The following SCRN3 variants were observed in gnomAD, a reference collection of about 807,000 sequenced individuals.
SCRN3 encodes the protein secernin 3.
Under a neutral mutation model 43.1 loss-of-function variants are expected in SCRN3, and 39 were observed. The ratio of observed to expected loss-of-function variants is 0.91; its 90% CI spans 0.70 to 1.18. The LOEUF (loss-of-function observed/expected upper bound fraction) is 1.18. Ranked by LOEUF, SCRN3 falls within the 50% of genes most tolerant of loss-of-function variation. The pLI, the probability that SCRN3 is intolerant of heterozygous loss-of-function variation, is 0.00. For synonymous variants in SCRN3, 147 were observed against 163.1 expected, an observed-to-expected ratio of 0.90 and a Z score of 0.75; for missense variants, 484 against 498.0, an observed-to-expected ratio of 0.97 and a Z score of 0.27.
intron 5 of SCRN3, among the ~76,000 whole-genome samples, chr2:174,414,646 A>G (rs1245394642): frequency 6.6e-6 from 1 of 152,166 alleles, no homozygotes; most frequent in Non-Finnish European, 1.5e-5. Context: ...TGTATGAATC[A>G]TACTTTAGCT....
intron 7 of SCRN3, 52 bp from the exon 8 acceptor site, chr2:174,427,661 A>G: frequency 8.9e-7 from 1 of 1,127,512 alleles, no homozygotes; most frequent in Non-Finnish European, 1.2e-6. Context: ...GAATTTGGTT[A>G]GATTTATGTG....
intron 5 of SCRN3, among the ~76,000 whole-genome samples, chr2:174,417,445 A>G (rs967343446): frequency 2.0e-5 from 3 of 152,086 alleles, no homozygotes; most frequent in Admixed American, 6.5e-5. Flanking sequence ...CTGGGCTGGA[A>G]TGCAGTAGCA....
In SCRN3 at chr2:174,427,435, T is replaced by G. The variant is rs182739862; in HGVS notation, c.1093-278T>G. Among the ~76,000 whole-genome samples the G allele has an allele frequency of 8.9e-4, 135 of 152,314 alleles. No homozygotes were observed. In the Middle Eastern group the frequency reaches 0.01, roughly 12 times the overall value. On this transcript the variant is annotated intron_variant, in intron 7 of 7. Transcript: ENST00000272732. Reference sequence around the variant, plus strand: ...ACAGTTCATATGAGATTTTCTATTGTCCTGTTGTCTTTTAGGTTTTTTACT... The same window carrying G: ...ACAGTTCATATGAGATTTTCTATTGGCCTGTTGTCTTTTAGGTTTTTTACT...
intron 3 of SCRN3, 41 bp from the exon 4 acceptor site, chr2:174,400,949 G>T: frequency 2.8e-6 from 4 of 1,413,738 alleles, no homozygotes; most frequent in South Asian, 1.4e-5. Context: ...AAAAATAATG[G>T]AAATTTATTT....
intron 5 of SCRN3, among the ~76,000 whole-genome samples, chr2:174,417,813 G>T (rs1370536673): frequency 6.6e-6 from 1 of 152,096 alleles, no homozygotes; most frequent in Non-Finnish European, 1.5e-5. Context: ...CTTACTTGTC[G>T]TATTTTTCTC....
intron 4 of SCRN3, among the ~76,000 whole-genome samples, chr2:174,403,766 T>G (rs1005459182): frequency 2.9e-4 from 44 of 152,138 alleles, no homozygotes; most frequent in Non-Finnish European, 2.8e-4. Context: ...GATGGAAGTA[T>G]TCTTTATCTT....
chr2:174,416,341 G>T (rs549626593), intron 5 of SCRN3, among the ~76,000 whole-genome samples: 7 of 152,288 alleles, frequency 4.6e-5, no homozygotes, highest in South Asian at 4.1e-4. Flanking sequence ...TAGAGTGAAG[G>T]TTAGAGAGAG....
chr2:174,398,426 T>C lies in SCRN3; in HGVS notation c.143T>C (p.Leu48Pro). 6.3e-7 allele frequency: 1 copy of C among 1,597,870 alleles called. No homozygotes were observed. The highest frequency in any genetic ancestry group is 1.8e-5 in the Admixed American group (1 of 55,810). The change falls in exon 2 of 8, where the codon CTG becomes CCG. Residue 48 changes from leucine to proline, a missense_variant. By Grantham distance (98) the Leu-to-Pro change is moderately conservative. Transcript: ENST00000272732. Reference protein sequence around the residue: ...VYFPAVVHDNLGERLKCTYIE... With the variant: ...VYFPAVVHDNPGERLKCTYIE... ...TTTCCTGCTGTAGTTCATGATAACC[T>C]GGGAGAACGTCTTAAGGTAGGTGAA... is the stretch of plus-strand genomic sequence containing the variant.
At position 174,398,258 on chromosome 2, in the gene SCRN3, A is replaced by G. The variant is rs1247949159; in HGVS notation, c.-9-17A>G. 1 of 1,489,106 alleles carries G rather than the reference A, an allele frequency of 6.7e-7. No individual in the cohort carries two copies. Among genetic ancestry groups the G allele is most frequent in the Non-Finnish European group, 9.1e-7 (1 of 1,104,792 alleles). The allele number at this position is 1,489,106 out of a possible 1,614,324, so 92.2% of individuals were successfully genotyped here. On this transcript the variant is annotated splice_polypyrimidine_tract_variant and intron_variant, in intron 1 of 7. Coordinates refer to ENST00000272732, the MANE Select transcript of SCRN3 (RefSeq NM_024583.5). ...AAAAGTGTTCTTTTTATTTTAAAAC[A>G]TCTGTATAATTTTTAGTTAAAAAAA...
Position 174,404,268 on chromosome 2 carries a change from C to T in SCRN3, c.707C>T (p.Ser236Leu), listed in dbSNP as rs952479346. The change falls in exon 5 of 8, where the codon TCA becomes TTA. Residue 236 changes from serine (S) to leucine (L), a missense_variant. Physicochemically the swap from Ser to Leu is moderately radical, Grantham distance 145. Transcript: ENST00000272732. ...CTTGACACAGCCAAGATGATGACTT[C>T]ATCAGGCAGATACTGTGAGGGCTAC... ...SYLDTAKMMT[S>L]SGRYCEGYKL... is the part of the protein sequence containing the mutation. 6.2e-7 allele frequency: 1 copy of T among 1,613,666 alleles called. No individual in the cohort carries two copies. Among genetic ancestry groups the T allele is most frequent in the African/African-American group, 1.3e-5 (1 of 74,878 alleles).
At chr2:174,395,854 G>A in intron 1 of SCRN3, 37 bp downstream of exon 1, 1 of 1,462,186 alleles carries the variant, frequency 6.8e-7, no homozygotes, top group South Asian at 1.4e-5. Flanking sequence ...GTGCATAGTT[G>A]AGACAGAAAC....
chr2:174,410,893 G>T (rs1375152282), intron 5 of SCRN3, among the ~76,000 whole-genome samples: 1 of 151,924 alleles, frequency 6.6e-6, no homozygotes, highest in African/African-American at 2.4e-5. Flanking sequence ...TGAAGAGAGG[G>T]CCCACACAAT....
At chr2:174,411,154 C>A (rs1685904254) in intron 5 of SCRN3, among the ~76,000 whole-genome samples, 2 of 152,166 alleles carry the variant, frequency 1.3e-5, no homozygotes, top group South Asian at 4.1e-4. Flanking sequence ...AGATTGAACT[C>A]TCAGCCACAT....
intron 4 of SCRN3, among the ~76,000 whole-genome samples, chr2:174,402,338 A>G (rs1574646887): frequency 6.6e-6 from 1 of 152,150 alleles, no homozygotes; most frequent in African/African-American, 2.4e-5. Flanking sequence ...TTCTCTTTCT[A>G]TTACTAACTA....
intron 5 of SCRN3, chr2:174,410,275 C>T (rs1433969165): frequency 6.6e-6 from 1 of 150,818 alleles, no homozygotes. Context: ...TCCCTGACCC[C>T]TTGCGCTTCC....
intron 6 of SCRN3, 102 bp from the exon 7 acceptor site, chr2:174,424,373 A>G: frequency 1.2e-6 from 1 of 846,662 alleles, no homozygotes. Context: ...ATGTAGCATC[A>G]TTAACAGAAA....
intron 2 of SCRN3, 111 bp downstream of exon 2, chr2:174,398,553 C>G: frequency 2.3e-6 from 2 of 886,494 alleles, no homozygotes; most frequent in East Asian, 3.0e-5. Flanking sequence ...GAGGAGTTTA[C>G]ATTTGAAAAA....
intron 1 of SCRN3, chr2:174,397,239 A>G (rs1377764436): frequency 1.0e-6 from 1 of 976,330 alleles, no homozygotes; most frequent in Non-Finnish European, 1.2e-6. Flanking sequence ...TTTTGTTTTT[A>G]AGTTGCTAGC....
At chr2:174,401,916 AT>A (rs1187421640) in intron 4 of SCRN3, among the ~76,000 whole-genome samples, 2 of 152,208 alleles carry the variant, frequency 1.3e-5, no homozygotes, top group Non-Finnish European at 2.9e-5. Flanking sequence ...ACATGTGAAA[AT>A]GTTAAATGGT....
Sources: gnomAD v4.1 joint callset for allele counts (sites outside exome capture counted in the v4.1 genomes callset) on GRCh38, gnomAD v4.1.1 for gene constraint, MANE v1.5 for transcripts, NCBI Gene and HGNC (gene_info 2026-07-23, HGNC 2026-07-21) for gene names.